STOX2: variants seen among roughly 807,000 people sequenced by gnomAD.
STOX2 encodes the protein storkhead-box protein 2.
STOX2 carries 28 observed loss-of-function variants against 60.9 expected under a neutral mutation model. The observed-to-expected ratio is 0.46, with a 90% CI of 0.34 to 0.63. The LOEUF (loss-of-function observed/expected upper bound fraction) is 0.63, where lower values mean the gene tolerates loss of function less well. Ranked by LOEUF, STOX2 falls within the 30% of genes least tolerant of loss-of-function variation. The pLI is 0.01. For missense variants in STOX2, 1,024 were observed against 1,187.7 expected (o/e 0.86, Z 2.03); for synonymous variants, 472 against 463.9 (o/e 1.02, Z -0.22).
chr4:183,924,316 G>A (rs1742180441), intron 1 of STOX2, among the ~76,000 whole-genome samples: 1 of 152,184 alleles, frequency 6.6e-6, no homozygotes, highest in South Asian at 2.1e-4. Flanking sequence ...ACAGTGGGAT[G>A]AGGGTGATGA....
At chr4:183,890,127 C>A (rs1236213659) in intron 1 of STOX2, among the ~76,000 whole-genome samples, 1 of 152,146 alleles carries the variant, frequency 6.6e-6, no homozygotes, top group Non-Finnish European at 1.5e-5. Context: ...CAACTCAGAC[C>A]CGAGGGAACT....
chr4:183,839,724 A>C (rs2111129406), intron 1 of STOX2, among the ~76,000 whole-genome samples: 1 of 152,320 alleles, frequency 6.6e-6, no homozygotes, highest in African/African-American at 2.4e-5. Flanking sequence ...GATAATTTCT[A>C]TTAATTAATA....
chr4:183,977,661 G>T (rs1020578064), intron 1 of STOX2, among the ~76,000 whole-genome samples: 6 of 151,990 alleles, frequency 3.9e-5, no homozygotes, highest in Non-Finnish European at 7.4e-5. Flanking sequence ...ACAAGTGCAG[G>T]TGTCTTTTTG....
At chr4:184,016,807 T>C (rs1432041645) in intron 3 of STOX2, among the ~76,000 whole-genome samples, 1 of 152,188 alleles carries the variant, frequency 6.6e-6, no homozygotes, top group Non-Finnish European at 1.5e-5. Context: ...TGAAGTCGTT[T>C]CGTTGAGTGT....
intron 1 of STOX2, among the ~76,000 whole-genome samples, chr4:183,816,475 C>G (rs951220642): frequency 4.6e-5 from 7 of 152,150 alleles, no homozygotes; most frequent in African/African-American, 1.4e-4. Context: ...AAAATCGGAA[C>G]AGTAGACATC....
rs1560906537 is a variant in STOX2, at chr4:183,961,447, A to G, written c.167-39878A>G. The stretch of plus-strand genomic sequence containing the variant: ...TGTGAGGTCAGGCCACCGGCATGTG[A>G]GGAAGCTGGATGATCGTCAGCCCAG... On this transcript the variant is annotated intron_variant, in intron 1 of 3. Transcript: ENST00000308497. Among the ~76,000 whole-genome samples, 6 of 152,184 alleles carry G rather than the reference A, an allele frequency of 3.9e-5. No homozygotes were observed. The South Asian group carries it at 8.3e-4, about 21-fold the overall frequency.
intron 1 of STOX2, among the ~76,000 whole-genome samples, chr4:183,911,472 A>G (rs1741781180): frequency 1.3e-5 from 2 of 152,310 alleles, no homozygotes; most frequent in East Asian, 3.9e-4. Flanking sequence ...GACTCCTTTC[A>G]TCAGGCGAGT....
At chr4:183,959,912 C>T (rs2111160197) in intron 1 of STOX2, among the ~76,000 whole-genome samples, 1 of 152,084 alleles carries the variant, frequency 6.6e-6, no homozygotes, top group Middle Eastern at 3.4e-3. Flanking sequence ...TGGGAGTGTC[C>T]TTCAATTTGC....
chr4:183,944,884 A>T (rs1248479889), intron 1 of STOX2, among the ~76,000 whole-genome samples: 3 of 152,216 alleles, frequency 2.0e-5, no homozygotes, highest in Non-Finnish European at 4.4e-5. Context: ...AACAAATTTT[A>T]TCTAATGTCT....
intron 1 of STOX2, chr4:183,853,706 C>T (rs551223881): frequency 3.3e-5 from 5 of 152,164 alleles, no homozygotes; most frequent in Non-Finnish European, 5.9e-5. Flanking sequence ...TGGACTAGAA[C>T]GACATCTTTG....
At chr4:183,907,763 T>C (rs1158754828) in intron 1 of STOX2, among the ~76,000 whole-genome samples, 1 of 152,176 alleles carries the variant, frequency 6.6e-6, no homozygotes, top group Non-Finnish European at 1.5e-5. Context: ...AGGGATGAAA[T>C]TCTTGAGGGA....
At chr4:183,805,849 C>T (rs1026725602) in intron 1 of STOX2, among the ~76,000 whole-genome samples, 5 of 152,100 alleles carry the variant, frequency 3.3e-5, no homozygotes, top group East Asian at 1.9e-4. Context: ...ATCACACTGG[C>T]GTGGGATGAG....
At chr4:183,884,075 A>G (rs1741019971) in intron 1 of STOX2, among the ~76,000 whole-genome samples, 1 of 151,838 alleles carries the variant, frequency 6.6e-6, no homozygotes, top group African/African-American at 2.4e-5. Context: ...GCTGGTTTTG[A>G]ACTTCTGACC....
In STOX2 at chr4:183,823,321, G is replaced by A. The variant is rs141250430; in HGVS notation, c.364+25266G>A. ...TGAGGCAGGGGAATCACTTGAACCCGGGAGGCAGAGGTTGCAGTGAGCTGA... is the reference window on the plus strand; with the variant it reads ...TGAGGCAGGGGAATCACTTGAACCCAGGAGGCAGAGGTTGCAGTGAGCTGA... On this transcript the variant is annotated intron_variant, in intron 1 of 2. Transcript: ENST00000513034. 3.6e-3 allele frequency among the ~76,000 whole-genome samples: 547 copies of A among 152,216 alleles called. 3 individuals are homozygous for A. Among genetic ancestry groups the A allele is most frequent in the African/African-American group, 0.013 (527 of 41,546 alleles).
chr4:183,886,047 G>A (rs1255399491), intron 1 of STOX2, among the ~76,000 whole-genome samples: 1 of 150,666 alleles, frequency 6.6e-6, no homozygotes, highest in African/African-American at 2.5e-5. Flanking sequence ...GGATGGTGTA[G>A]GCAGATGCAA....
intron 1 of STOX2, among the ~76,000 whole-genome samples, chr4:183,950,594 C>T (rs911529425): frequency 3.9e-5 from 6 of 152,152 alleles, no homozygotes; most frequent in Non-Finnish European, 8.8e-5. Context: ...GTGGCATGGG[C>T]AGGCCGAGTT....
intron 1 of STOX2, among the ~76,000 whole-genome samples, chr4:183,983,004 CTGACTGACTCTTTGGCCT>C (rs1488702164): frequency 5.3e-5 from 8 of 152,182 alleles, no homozygotes; most frequent in African/African-American, 1.9e-4. Context: ...TTATCCCAGC[CTGACTGACTCTTTGGCCT>C]TGTTGCTACC....
At chr4:183,951,896 A>T (rs1204573102) in intron 1 of STOX2, among the ~76,000 whole-genome samples, 1 of 152,176 alleles carries the variant, frequency 6.6e-6, no homozygotes, top group African/African-American at 2.4e-5. Flanking sequence ...GTGAGCCGAG[A>T]TAGCACCACT....
rs181738711 is a variant in STOX2, at chr4:183,846,117, G to T, written c.364+48062G>T. On this transcript the variant is annotated intron_variant, in intron 1 of 2. Transcript: ENST00000513034. ...ACAGTTTGTTTTCTTTCAGCACTTT[G>T]CATGTCATCCTATTGCCTTCTGGCC... 2.0e-5 allele frequency among the ~76,000 whole-genome samples: 3 copies of T among 152,270 alleles called. No homozygotes were observed. The East Asian group carries it at 5.8e-4, about 29-fold the overall frequency.
Sources: allele counts gnomAD v4.1 joint callset (sites outside exome capture counted in the v4.1 genomes callset), GRCh38; gene constraint gnomAD v4.1.1; transcripts MANE v1.5; gene names NCBI Gene and HGNC (gene_info 2026-07-23, HGNC 2026-07-21).